The following TUBGCP2 variants were observed in gnomAD, a reference collection of about 807,000 sequenced individuals.
The protein encoded by TUBGCP2 is tubulin gamma complex component 2.
A neutral mutation model predicts 92.2 loss-of-function variants in TUBGCP2; 55 were observed. That is an observed-to-expected ratio of 0.60 (90% confidence interval 0.48 to 0.75). TUBGCP2 has a LOEUF of 0.75. TUBGCP2 is among the 30% of genes least tolerant of loss of function. TUBGCP2 has a pLI of 0.00. For synonymous variants in TUBGCP2, 533 were observed against 505.2 expected, an observed-to-expected ratio of 1.06 and a Z score of -0.74; for missense variants, 1,093 against 1,188.9, an observed-to-expected ratio of 0.92 and a Z score of 1.19.
Position 133,308,863 on chromosome 10 carries a change from C to G in TUBGCP2, c.-80G>C, listed in dbSNP as rs547691200. On this transcript the variant is annotated 5_prime_UTR_variant, in exon 1 of 18. Coordinates refer to ENST00000252936, the MANE Select transcript of TUBGCP2 (RefSeq NM_006659.4). ...ACAGCCCCCGCGCAGCCCCCGACGGCGGCGGAAGTGAGCGTGACGTCACGT... is the reference window on the plus strand; with the variant it reads ...ACAGCCCCCGCGCAGCCCCCGACGGGGGCGGAAGTGAGCGTGACGTCACGT... 1.8e-3 allele frequency: 2,076 copies of G among 1,155,242 alleles called. 33 individuals carry two copies. In the African/African-American group the frequency reaches 0.028, roughly 16 times the overall value. 71.6% of individuals were successfully genotyped at this position (1,155,242 alleles called of 1,614,324 possible). A position where few individuals can be genotyped will look rare whatever the true frequency, so the allele number is the denominator to read the frequency against.
intron 10 of TUBGCP2, among the ~76,000 whole-genome samples, chr10:133,288,589 G>A (rs1358738767): frequency 2.0e-5 from 3 of 152,268 alleles, no homozygotes; most frequent in African/African-American, 7.2e-5. Context: ...AGCTGTGGCA[G>A]GAGGAGCTGA....
chr10:133,297,689 C>T (rs1441719797), intron 5 of TUBGCP2, among the ~76,000 whole-genome samples: 1 of 152,218 alleles, frequency 6.6e-6, no homozygotes, highest in African/African-American at 2.4e-5. Flanking sequence ...CCCCACAGCT[C>T]TGGCAGAAGG....
intron 7 of TUBGCP2, 145 bp from the exon 8 acceptor site, chr10:133,292,833 G>T: frequency 2.6e-6 from 3 of 1,168,202 alleles, no homozygotes; most frequent in Non-Finnish European, 3.6e-6. Context: ...CTGTAAGGTT[G>T]TAGTTGCTGA....
At chr10:133,304,789 C>T (rs1457752184) in intron 1 of TUBGCP2, among the ~76,000 whole-genome samples, 1 of 151,964 alleles carries the variant, frequency 6.6e-6, no homozygotes, top group African/African-American at 2.4e-5. Context: ...CAATCATAAC[C>T]TAGGAAAAAC....
upstream of TUBGCP2, chr10:133,309,465 T>G: frequency 6.2e-7 from 1 of 1,611,782 alleles, no homozygotes; most frequent in Non-Finnish European, 8.5e-7. Flanking sequence ...GAAGCCCAGG[T>G]AAGCGAATGG....
chr10:133,283,777 C>T lies in TUBGCP2; in HGVS notation c.2145+105G>A. 3 of 1,537,548 alleles carry T rather than the reference C, an allele frequency of 2.0e-6. No individual in the cohort carries two copies. The South Asian group carries it at 3.7e-5, about 19-fold the overall frequency. ...CGTCTCCCTGCATTCCCTGCCTCTC[C>T]TGCACTCCCTGCCTCTCCCCTCGCC... On this transcript the variant is annotated intron_variant, in intron 14 of 17. Transcript: ENST00000252936.
Position 133,285,347 on chromosome 10 carries a change from G to A in TUBGCP2, c.1895+109C>T. On this transcript the variant is annotated intron_variant, in intron 12 of 17. Transcript: ENST00000252936. The surrounding 1 kb of genome is among the most constrained non-coding windows in gnomAD (Gnocchi z 6.8). ...TCTCTCGGACACTGAAGGCCGGGGAGAGCCGCCTTGGGTCCTCTGTGGGAC... is the reference window on the plus strand; with the variant it reads ...TCTCTCGGACACTGAAGGCCGGGGAAAGCCGCCTTGGGTCCTCTGTGGGAC... The A allele has an allele frequency of 1.3e-6, 2 of 1,588,048 alleles. No homozygotes were observed. Among genetic ancestry groups the A allele is most frequent in the East Asian group, 4.5e-5 (2 of 44,064 alleles).
chr10:133,288,717 GC>G (rs1418827007), intron 10 of TUBGCP2, 122 bp downstream of exon 10: 1 of 1,137,680 alleles, frequency 8.8e-7, no homozygotes, highest in Non-Finnish European at 1.2e-6. Context: ...ATCCAGCAGT[GC>G]CCACTTTCAA....
intron 10 of TUBGCP2, 35 bp downstream of exon 10, chr10:133,288,805 G>A (rs763693728): frequency 6.4e-7 from 1 of 1,552,778 alleles, no homozygotes; most frequent in African/African-American, 1.4e-5. Context: ...TCAGAGGGAG[G>A]TGAGTGCCCG....
chr10:133,296,509 G>A (rs1010308017), intron 5 of TUBGCP2, among the ~76,000 whole-genome samples: 11 of 151,012 alleles, frequency 7.3e-5, no homozygotes, highest in Non-Finnish European at 1.2e-4. Flanking sequence ...ACAGGGTCTC[G>A]CTCTGTTGCC....
chr10:133,293,845 G>C (rs1847425254), intron 5 of TUBGCP2, 76 bp from the exon 6 acceptor site: 1 of 1,377,546 alleles, frequency 7.3e-7, no homozygotes, highest in South Asian at 1.2e-5. Flanking sequence ...TCATCTGCGG[G>C]TCAGTCTCAC....
chr10:133,279,780 C>G lies in TUBGCP2; in HGVS notation c.2695G>C (p.Val899Leu), dbSNP rs768500978. The part of the protein sequence containing the change: ...GPPAPAPRVA[V>L]TAQ Reference sequence around the variant, plus strand: ...ACAGCCAGGGCTCACTGTGCGGTGACTGCGACCCTGGGTGCAGGAGCCGGG... The same window carrying G: ...ACAGCCAGGGCTCACTGTGCGGTGAGTGCGACCCTGGGTGCAGGAGCCGGG... The change falls in exon 18 of 18, where the codon GTC becomes CTC. Residue 899 changes from valine (V) to leucine (L), a missense_variant. Around this residue, in one of 3 missense-constraint regions of TUBGCP2, gnomAD observed 598 missense variants for 675.5 expected, o/e 0.89. Transcript: ENST00000252936. 4.5e-6 allele frequency: 7 copies of G among 1,560,674 alleles called. No homozygotes were observed. The African/African-American group carries it at 9.5e-5, about 21-fold the overall frequency.
At chr10:133,311,727 C>A (rs780715775), upstream of TUBGCP2, 1 of 1,612,764 alleles carries the variant, frequency 6.2e-7, no homozygotes, top group South Asian at 1.1e-5. Flanking sequence ...CCAGCCTCAG[C>A]AGAAGCCCCA....
chr10:133,292,909 T>C, intron 7 of TUBGCP2, 130 bp downstream of exon 7: 1 of 1,171,164 alleles, frequency 8.5e-7, no homozygotes, highest in Non-Finnish European at 1.2e-6. Flanking sequence ...TGGAGCAACA[T>C]GAGCTTTGGC....
chr10:133,309,152 G>A, upstream of TUBGCP2: 1 of 1,380,612 alleles, frequency 7.2e-7, no homozygotes, highest in Non-Finnish European at 9.4e-7. Context: ...GCCTACGGCG[G>A]CGAGGCGGGG....
rs1314047966 is a variant in TUBGCP2, at chr10:133,279,499, CTT to C, written c.*265_*266del. The C allele has an allele frequency of 1.0e-5, 5 of 499,638 alleles. No homozygotes were observed. The Admixed American group carries it at 2.1e-4, about 21-fold the overall frequency. The allele number at this position is 499,638 out of a possible 1,614,324, so 31.0% of individuals were successfully genotyped here. A position where few individuals can be genotyped will look rare whatever the true frequency, so the allele number is the denominator to read the frequency against. On this transcript the variant is annotated 3_prime_UTR_variant, in exon 18 of 18. Coordinates refer to ENST00000252936, the MANE Select transcript of TUBGCP2 (RefSeq NM_006659.4). ...CTGGCTTAAACACCATGTATTTCCA[CTT>C]TGAGGCCAAAAACACCCAAAAAGGT... is the stretch of plus-strand genomic sequence containing the variant.
intron 15 of TUBGCP2, 70 bp downstream of exon 15, chr10:133,283,008 C>T (rs565846804): frequency 2.3e-4 from 372 of 1,583,562 alleles, no homozygotes; most frequent in Non-Finnish European, 3.0e-4. Context: ...AGGCTGCGTG[C>T]GGCCACGGTC....
chr10:133,301,529 T>C lies in TUBGCP2; in HGVS notation c.150+1263A>G, dbSNP rs116081977. Among the ~76,000 whole-genome samples, 756 of 152,292 alleles carry C rather than the reference T, an allele frequency of 5.0e-3. 5 individuals are homozygous for C. Among genetic ancestry groups the C allele is most frequent in the African/African-American group, 0.017 (716 of 41,538 alleles). ...CTCGGCTAATTTGCCTAATTATCCT[T>C]GTGCCATTGTTAACCTGTTTAAATA... On this transcript the variant is annotated intron_variant, in intron 2 of 17. Transcript: ENST00000252936.
chr10:133,283,761 G>T, intron 14 of TUBGCP2, 121 bp downstream of exon 14: 1 of 1,466,514 alleles, frequency 6.8e-7, no homozygotes, highest in East Asian at 2.4e-5. Flanking sequence ...GCGTCTCCCT[G>T]CATTCCCTGC....
Sources: allele counts gnomAD v4.1 joint callset (sites outside exome capture counted in the v4.1 genomes callset), GRCh38; gene constraint gnomAD v4.1.1; regional missense constraint gnomAD v4.1.1; non-coding constraint Gnocchi (gnomAD v3.1); transcripts MANE v1.5; gene names NCBI Gene and HGNC (gene_info 2026-07-23, HGNC 2026-07-21).